The following ST8SIA1 variants were observed in gnomAD, a reference collection of about 807,000 sequenced individuals.
ST8SIA1 encodes alpha-N-acetylneuraminide alpha-2,8-sialyltransferase.
Under a neutral mutation model 35.9 loss-of-function variants are expected in ST8SIA1, and 16 were observed. That is an observed-to-expected ratio of 0.45 (90% CI 0.30 to 0.68). The LOEUF (loss-of-function observed/expected upper bound fraction) is 0.68, where lower values mean the gene tolerates loss of function less well. Among genes scored for constraint, ST8SIA1 ranks in the 30% least tolerant of loss-of-function variants. ST8SIA1 has a pLI of 0.09. For missense variants in ST8SIA1, 383 were observed against 453.6 expected, an observed-to-expected ratio of 0.84 and a Z score of 1.41; for synonymous variants, 170 against 169.6, an observed-to-expected ratio of 1.00 and a Z score of -0.02.
intron 1 of ST8SIA1, among the ~76,000 whole-genome samples, chr12:22,328,359 C>T (rs1414401857): frequency 2.0e-5 from 3 of 152,092 alleles, no homozygotes; most frequent in South Asian, 2.1e-4. Flanking sequence ...ATGCTGGGCT[C>T]TGGGAATGCA....
chr12:22,334,641 C>G lies in ST8SIA1; in HGVS notation c.-409G>C. The G allele has an allele frequency of 5.2e-6, 1 of 190,688 alleles. No individual in the cohort carries two copies. Among genetic ancestry groups the G allele is most frequent in the South Asian group, 1.1e-4 (1 of 8,990 alleles). 11.8% of individuals were successfully genotyped at this position (190,688 alleles called of 1,614,324 possible). On this transcript the variant is annotated 5_prime_UTR_variant, in exon 1 of 5. Transcript: ENST00000396037. The stretch of plus-strand genomic sequence containing the variant: ...CTAAACATGTGGCCCGTGGCGTCCC[C>G]TTGTCCCCTCCGAGCGATGCTCCTG...
rs936075929 is a variant in ST8SIA1 at position 22,196,001 on chromosome 12, T to G, written c.*5551A>C. Reference sequence around the variant, plus strand: ...ATCAATATATTTGGATATTATTCTATAAAATTCTCAGACAGCTTGGCATCA... The same window carrying G: ...ATCAATATATTTGGATATTATTCTAGAAAATTCTCAGACAGCTTGGCATCA... On this transcript the variant is annotated 3_prime_UTR_variant, in exon 5 of 5. Coordinates refer to ENST00000396037, the MANE Select transcript of ST8SIA1 (RefSeq NM_003034.4). The G allele has an allele frequency of 6.6e-6, 1 of 152,212 alleles. No homozygotes were observed. The highest frequency in any genetic ancestry group is 2.1e-4 in the South Asian group (1 of 4,830). 9.4% of individuals were successfully genotyped at this position (152,212 alleles called of 1,614,324 possible). A position where few individuals can be genotyped will look rare whatever the true frequency, so the allele number is the denominator to read the frequency against.
chr12:22,270,597 C>T (rs1331092819), intron 2 of ST8SIA1, among the ~76,000 whole-genome samples: 1 of 152,008 alleles, frequency 6.6e-6, no homozygotes, highest in Non-Finnish European at 1.5e-5. Context: ...AAATCTATTT[C>T]AAATAAACTT....
chr12:22,267,386 C>T (rs1199159554), intron 2 of ST8SIA1, among the ~76,000 whole-genome samples: 1 of 152,146 alleles, frequency 6.6e-6, no homozygotes, highest in African/African-American at 2.4e-5. Flanking sequence ...CTATTTTATT[C>T]CATTAAAAGA....
At chr12:22,277,907 A>G (rs370968016) in intron 2 of ST8SIA1, among the ~76,000 whole-genome samples, 50 of 152,344 alleles carry the variant, frequency 3.3e-4, no homozygotes, top group African/African-American at 1.2e-3. Flanking sequence ...AGAAAGGGAC[A>G]GAATTGTGAG....
chr12:22,291,376 A>G (rs113567015), intron 1 of ST8SIA1, among the ~76,000 whole-genome samples: 2,037 of 152,276 alleles, frequency 0.013, 39 homozygotes, highest in Non-Finnish European at 0.017. Flanking sequence ...CTTCCAAGAG[A>G]TGACTGAATT....
chr12:22,250,533 T>C (rs1429727186), intron 3 of ST8SIA1, among the ~76,000 whole-genome samples: 8 of 152,242 alleles, frequency 5.3e-5, no homozygotes, highest in Admixed American at 2.0e-4. Context: ...ACTTGATTCC[T>C]ACCACATTAG....
At chr12:22,282,976 G>A (rs932045445) in intron 2 of ST8SIA1, among the ~76,000 whole-genome samples, 1 of 152,136 alleles carries the variant, frequency 6.6e-6, no homozygotes, top group African/African-American at 2.4e-5. Flanking sequence ...ATTCTATTAA[G>A]CACACTACTG....
chr12:22,212,964 A>G (rs575269544), intron 4 of ST8SIA1, among the ~76,000 whole-genome samples: 87 of 152,314 alleles, frequency 5.7e-4, no homozygotes, highest in South Asian at 1.7e-3. Flanking sequence ...TCACTATTGT[A>G]AAACCTAAGA....
Position 22,201,656 on chromosome 12 carries a change from C to T in ST8SIA1, c.967G>A (p.Ala323Thr), listed in dbSNP as rs1378495761. The T allele has an allele frequency of 1.2e-5, 20 of 1,613,970 alleles. No homozygotes were observed. Among genetic ancestry groups the T allele is most frequent in the Non-Finnish European group, 1.6e-5 (19 of 1,179,998 alleles). ...AGTTGGAGAAATTCCTCGGGCATGG[C>T]ATGGAAGCCAGAAAAGGGTAAGACG... ...DNVLPFSGFH[A>T]MPEEFLQLWY... Residue 323 changes from alanine to threonine, a missense_variant, in exon 5 of 5, where the codon GCC becomes ACC. By Grantham distance (58) the Ala-to-Thr change is moderately conservative. Transcript: ENST00000396037.
At chr12:22,244,404 T>G (rs943051826) in intron 4 of ST8SIA1, among the ~76,000 whole-genome samples, 1 of 152,166 alleles carries the variant, frequency 6.6e-6, no homozygotes, top group African/African-American at 2.4e-5. Context: ...TTGTTCCTTA[T>G]AGTTTTACTT....
chr12:22,217,527 G>C (rs1295995608), intron 4 of ST8SIA1, among the ~76,000 whole-genome samples: 2 of 152,184 alleles, frequency 1.3e-5, no homozygotes, highest in African/African-American at 2.4e-5. Flanking sequence ...TGAGAAGCCT[G>C]TATGTCCCGC....
chr12:22,201,245 G>A lies in ST8SIA1; in HGVS notation c.*307C>T, dbSNP rs1013908072. On this transcript the variant is annotated 3_prime_UTR_variant, in exon 5 of 5. Coordinates refer to ENST00000396037, the MANE Select transcript of ST8SIA1 (RefSeq NM_003034.4). The stretch of plus-strand genomic sequence containing the variant: ...ATTGGTTCCTCAGCCCTAACAACTC[G>A]AGTCTGTCTTGTTTTTGAACTGCAT... The A allele has an allele frequency of 1.2e-5, 3 of 253,156 alleles. No homozygotes were observed. Among genetic ancestry groups the A allele is most frequent in the South Asian group, 1.0e-4 (1 of 9,798 alleles). The allele number at this position is 253,156 out of a possible 1,614,324, so 15.7% of individuals were successfully genotyped here.
intron 4 of ST8SIA1, among the ~76,000 whole-genome samples, chr12:22,229,615 C>CAAAAAAA (rs11290260): frequency 1.1e-5 from 1 of 93,746 alleles, no homozygotes; most frequent in Non-Finnish European, 2.2e-5. Context: ...GACCGGGTTT[C>CAAAAAAA]AAAAAAAAAA....
At chr12:22,247,087 ATCTCCTTCCCTCCCTCCCTCG>A (rs1256717795) in intron 4 of ST8SIA1, among the ~76,000 whole-genome samples, 1 of 71,604 alleles carries the variant, frequency 1.4e-5, no homozygotes, top group Non-Finnish European at 2.6e-5. Context: ...TCCCTCCCTC[ATCTCCTTCCCTCCCTCCCTCG>A]TCTCTTTCCC....
At chr12:22,320,896 A>G (rs959447844) in intron 1 of ST8SIA1, among the ~76,000 whole-genome samples, 2 of 149,384 alleles carry the variant, frequency 1.3e-5, no homozygotes, top group African/African-American at 2.5e-5. Flanking sequence ...GAAAGAAAGG[A>G]GAAGGAAAGA....
At chr12:22,329,566 A>G (rs1866731747) in intron 1 of ST8SIA1, among the ~76,000 whole-genome samples, 2 of 151,988 alleles carry the variant, frequency 1.3e-5, no homozygotes, top group Admixed American at 6.6e-5. Flanking sequence ...AATTCCATAA[A>G]CCCCCAACTT....
chr12:22,202,092 C>G (rs1178603887), intron 4 of ST8SIA1, 54 bp from the exon 5 acceptor site: 2 of 1,495,894 alleles, frequency 1.3e-6, no homozygotes. Flanking sequence ...AGAAACTCAC[C>G]AAAACCCACT....
intron 3 of ST8SIA1, among the ~76,000 whole-genome samples, chr12:22,253,765 A>T (rs990085052): frequency 6.6e-6 from 1 of 152,162 alleles, no homozygotes; most frequent in Admixed American, 6.5e-5. Flanking sequence ...CAGAGGAAAA[A>T]CTATGCTGAG....
Sources: allele counts gnomAD v4.1 joint callset (sites outside exome capture counted in the v4.1 genomes callset), GRCh38; gene constraint gnomAD v4.1.1; transcripts MANE v1.5; gene names NCBI Gene and HGNC (gene_info 2026-07-23, HGNC 2026-07-21).